SEMA6A: variants seen among roughly 807,000 people sequenced by gnomAD.
The protein encoded by SEMA6A is semaphorin 6A.
In SEMA6A, 25 loss-of-function variants were observed where a neutral mutation model predicts 96.8. That is an observed-to-expected ratio of 0.26 (90% CI 0.19 to 0.36). SEMA6A has a LOEUF of 0.36. Ranked by LOEUF, SEMA6A falls within the 10% of genes least tolerant of loss-of-function variation. The pLI is 1.00. For synonymous variants in SEMA6A, 612 were observed against 518.0 expected (o/e 1.18, Z -2.46); for missense variants, 1,363 against 1,323.1 (o/e 1.03, Z -0.47).
At chr5:116,511,495 A>G (rs542235204) in intron 1 of SEMA6A, among the ~76,000 whole-genome samples, 1 of 152,350 alleles carries the variant, frequency 6.6e-6, no homozygotes, top group South Asian at 2.1e-4. Context: ...GCATTAAAGA[A>G]AAAGGAACAG....
chr5:116,488,747 A>G, intron 8 of SEMA6A, 141 bp downstream of exon 8: 3 of 1,107,158 alleles, frequency 2.7e-6, no homozygotes, highest in Non-Finnish European at 3.6e-6. Context: ...AGTTGAAGCC[A>G]AAGATGCAAT....
Position 116,446,468 on chromosome 5 carries a change from T to C in SEMA6A, c.*145A>G, listed in dbSNP as rs555931128. 1.5e-6 allele frequency: 1 copy of C among 670,996 alleles called. No homozygotes were observed. Among genetic ancestry groups the C allele is most frequent in the Admixed American group, 3.5e-5 (1 of 28,532 alleles). The allele number at this position is 670,996 out of a possible 1,614,324, so 41.6% of individuals were successfully genotyped here. A position where few individuals can be genotyped will look rare whatever the true frequency, so the allele number is the denominator to read the frequency against. On this transcript the variant is annotated 3_prime_UTR_variant, in exon 19 of 19. Transcript: ENST00000343348. The stretch of plus-strand genomic sequence containing the variant: ...CCCAGTTTTCGTGAGTACCCCTGTG[T>C]CCCAGAGAGGAGGACCCAGCGTCCT...
chr5:116,515,145 T>A (rs1758608606), intron 1 of SEMA6A, among the ~76,000 whole-genome samples: 1 of 152,200 alleles, frequency 6.6e-6, no homozygotes, highest in African/African-American at 2.4e-5. Context: ...GACAGCAGCG[T>A]GTTAAAACAG....
intron 3 of SEMA6A, among the ~76,000 whole-genome samples, chr5:116,501,845 C>T (rs1384977763): frequency 6.6e-6 from 1 of 152,174 alleles, no homozygotes; most frequent in Non-Finnish European, 1.5e-5. Flanking sequence ...TGAGATTGCA[C>T]CACTGCACTC....
chr5:116,476,533 T>C (rs1447663944), intron 15 of SEMA6A, among the ~76,000 whole-genome samples: 1 of 152,210 alleles, frequency 6.6e-6, no homozygotes, highest in Non-Finnish European at 1.5e-5. Context: ...CAGCCAATAT[T>C]CATCATGCCC....
chr5:116,499,647 T>C (rs565005770), intron 3 of SEMA6A, among the ~76,000 whole-genome samples: 1 of 152,206 alleles, frequency 6.6e-6, no homozygotes. Context: ...AGGAAGTGGC[T>C]GCGTATGGTG....
At chr5:116,456,131 A>T (rs1450167325) in intron 18 of SEMA6A, among the ~76,000 whole-genome samples, 1 of 152,206 alleles carries the variant, frequency 6.6e-6, no homozygotes, top group African/African-American at 2.4e-5. Flanking sequence ...TTACAACTAC[A>T]ACAAAACCTT....
chr5:116,505,423 C>G (rs1025800462), intron 1 of SEMA6A, among the ~76,000 whole-genome samples: 3 of 150,570 alleles, frequency 2.0e-5, no homozygotes, highest in Admixed American at 6.7e-5. Flanking sequence ...CCTTTGGCAC[C>G]ACTTCCAACA....
intron 18 of SEMA6A, among the ~76,000 whole-genome samples, chr5:116,457,888 CT>C (rs1344840680): frequency 1.3e-5 from 2 of 152,046 alleles, no homozygotes; most frequent in Non-Finnish European, 2.9e-5. Flanking sequence ...ATGAACACAC[CT>C]TTTTCATCCT....
chr5:116,489,626 A>G (rs1010694990), intron 7 of SEMA6A, among the ~76,000 whole-genome samples: 1 of 152,218 alleles, frequency 6.6e-6, no homozygotes. Flanking sequence ...CGCATCTCCA[A>G]AGTCACAAAC....
chr5:116,543,925 C>A (rs948126971), intron 1 of SEMA6A, among the ~76,000 whole-genome samples: 1 of 152,150 alleles, frequency 6.6e-6, no homozygotes, highest in African/African-American at 2.4e-5. Context: ...GTTCTTTAGT[C>A]TTCTGAACTG....
chr5:116,492,930 A>G (rs1757400398), intron 6 of SEMA6A, among the ~76,000 whole-genome samples: 2 of 152,200 alleles, frequency 1.3e-5, no homozygotes, highest in African/African-American at 4.8e-5. Flanking sequence ...ATTATGTCCC[A>G]TATCATCAGC....
At chr5:116,499,939 A>AT (rs1461844749) in intron 3 of SEMA6A, among the ~76,000 whole-genome samples, 11 of 152,208 alleles carry the variant, frequency 7.2e-5, no homozygotes, top group Admixed American at 4.6e-4. Flanking sequence ...CTGTTATACC[A>AT]TTTTTTCCCC....
At chr5:116,470,605 CAA>C (rs754419589) in intron 17 of SEMA6A, among the ~76,000 whole-genome samples, 4 of 152,092 alleles carry the variant, frequency 2.6e-5, no homozygotes, top group Admixed American at 1.3e-4. Context: ...TAAATCAATA[CAA>C]GAGAGGAAGA....
At chr5:116,527,438 G>A (rs560340136) in intron 1 of SEMA6A, among the ~76,000 whole-genome samples, 4 of 152,048 alleles carry the variant, frequency 2.6e-5, no homozygotes, top group Non-Finnish European at 5.9e-5. Flanking sequence ...AAATACATGC[G>A]CTTTTTTCTA....
rs569700105 is a variant in SEMA6A, at chr5:116,477,924, G to A, written c.1571C>T (p.Thr524Ile). 1.2e-6 allele frequency: 2 copies of A among 1,613,988 alleles called. No individual in the cohort carries two copies. Among genetic ancestry groups the A allele is most frequent in the East Asian group, 2.2e-5 (1 of 44,886 alleles). The change falls in exon 15 of 19, where the codon ACC becomes ATC. Residue 524 changes from threonine (T) to isoleucine (I), a missense_variant and splice_region_variant. Physicochemically the swap from Thr to Ile is moderately conservative, Grantham distance 89. Transcript: ENST00000343348. ...RCERHGKCKKTCIASRDPYCG... is the reference protein window; with the variant it reads ...RCERHGKCKKICIASRDPYCG... Reference sequence around the variant, plus strand: ...ATATGGGTCTCTGGAGGCAATACAGGTTCTGCAGGAAGAGGATGACCATGA... The same window carrying A: ...ATATGGGTCTCTGGAGGCAATACAGATTCTGCAGGAAGAGGATGACCATGA...
At chr5:116,519,690 CACGCACACACAT>C (rs1758842213) in intron 1 of SEMA6A, among the ~76,000 whole-genome samples, 1 of 140,436 alleles carries the variant, frequency 7.1e-6, no homozygotes, top group Non-Finnish European at 1.5e-5. Context: ...CACACACACA[CACGCACACACAT>C]ACATTATACA....
chr5:116,480,668 G>T (rs562674941), intron 11 of SEMA6A, among the ~76,000 whole-genome samples: 1 of 152,152 alleles, frequency 6.6e-6, no homozygotes, highest in Non-Finnish European at 1.5e-5. Flanking sequence ...CAGAGGGAAA[G>T]AATTAGGTTG....
intron 18 of SEMA6A, chr5:116,449,947 A>G (rs1280592070): frequency 2.0e-5 from 3 of 152,302 alleles, no homozygotes; most frequent in African/African-American, 4.8e-5. Context: ...CACACCTTTT[A>G]TGTGTGAAGC....
Sources: allele counts gnomAD v4.1 joint callset (sites outside exome capture counted in the v4.1 genomes callset), GRCh38; gene constraint gnomAD v4.1.1; transcripts MANE v1.5; gene names NCBI Gene and HGNC (gene_info 2026-07-23, HGNC 2026-07-21).